RNF128: variants seen among roughly 807,000 people sequenced by gnomAD.
The protein encoded by RNF128 is E3 ubiquitin-protein ligase RNF128.
In RNF128, 13 loss-of-function variants were observed where a neutral mutation model predicts 26.2. The observed-to-expected ratio is 0.50, with a 90% CI of 0.32 to 0.79. The LOEUF is 0.79. Ranked by LOEUF, RNF128 falls within the 30% of genes least tolerant of loss-of-function variation. The probability of loss-of-function intolerance (pLI) is 0.03; values close to 1 mark genes in which losing one functional copy is unlikely to be tolerated. For synonymous variants in RNF128, 149 were observed against 142.5 expected (o/e 1.05, Z -0.32); for missense variants, 315 against 349.7 (o/e 0.90, Z 0.79).
chrX:106,748,062 A>G (rs1317020350), intron 1 of RNF128, among the ~76,000 whole-genome samples: 2 of 112,156 alleles, frequency 1.8e-5, no homozygotes, highest in Non-Finnish European at 3.8e-5. Context: ...ATGGAACCAT[A>G]GCTTTGATCT....
intron 1 of RNF128, among the ~76,000 whole-genome samples, chrX:106,755,027 A>G (rs1158643729): frequency 8.9e-6 from 1 of 112,035 alleles, no homozygotes; most frequent in African/African-American, 3.2e-5. Context: ...ACCTTTAGCC[A>G]GAATAAAGAA....
At chrX:106,758,810 A>C (rs1930070016) in intron 1 of RNF128, among the ~76,000 whole-genome samples, 1 of 111,599 alleles carries the variant, frequency 9.0e-6, no homozygotes, top group Non-Finnish European at 1.9e-5. Flanking sequence ...TAAATCTAAG[A>C]CCTCAAAATA....
chrX:106,695,256 A>G (rs2147655024), intron 1 of RNF128, among the ~76,000 whole-genome samples: 1 of 111,397 alleles, frequency 9.0e-6, no homozygotes, highest in East Asian at 2.8e-4. Flanking sequence ...AATTTCAATC[A>G]AGGCAAGCGC....
chrX:106,703,745 T>C (rs776515358), intron 1 of RNF128, among the ~76,000 whole-genome samples: 6 of 110,768 alleles, frequency 5.4e-5, no homozygotes, highest in African/African-American at 2.0e-4. Context: ...GTCATCAACA[T>C]AGAAGGTGAT....
At position 106,795,582 on chromosome X, in the gene RNF128, G is replaced by A. The variant is rs143952035; in HGVS notation, c.1156G>A (p.Glu386Lys). 8.5e-7 allele frequency: 1 copy of A among 1,182,740 alleles called. No individual in the cohort carries two copies. Among genetic ancestry groups the A allele is most frequent in the African/African-American group, 1.8e-5 (1 of 55,969 alleles). ...PLEEHVQSTN[E>K]SLQLVNHEAN... ...AAAATTGCTATTTCTTTTTAAAGAT[G>A]AAAGTCTACAGCTGGTAAACCATGA... Residue 386 changes from glutamate to lysine, a missense_variant and splice_region_variant, in exon 7 of 7, where the codon GAA becomes AAA. Physicochemically the swap from Glu to Lys is moderately conservative, Grantham distance 56. Coordinates refer to ENST00000255499, the MANE Select transcript of RNF128 (RefSeq NM_194463.2).
intron 2 of RNF128, among the ~76,000 whole-genome samples, chrX:106,778,988 A>C (rs182519297): frequency 1.2e-4 from 13 of 111,793 alleles, no homozygotes; most frequent in African/African-American, 4.2e-4. Flanking sequence ...GTTCACATGT[A>C]TGTATCTATT....
intron 1 of RNF128, among the ~76,000 whole-genome samples, chrX:106,764,792 G>A (rs1343134901): frequency 8.9e-6 from 1 of 112,286 alleles, no homozygotes; most frequent in African/African-American, 3.2e-5. Context: ...TGCTTTCAAA[G>A]ATTATACAGT....
At chrX:106,710,299 A>G (rs1929103544) in intron 1 of RNF128, among the ~76,000 whole-genome samples, 1 of 112,249 alleles carries the variant, frequency 8.9e-6, no homozygotes, top group African/African-American at 3.2e-5. Flanking sequence ...TCCTCCAAGC[A>G]CTACTTTTGC....
chrX:106,739,327 T>A (rs773779237), intron 1 of RNF128, among the ~76,000 whole-genome samples: 4 of 110,622 alleles, frequency 3.6e-5, no homozygotes, highest in Admixed American at 9.7e-5. Flanking sequence ...GTCCAGCTAA[T>A]TTTTGGATTT....
At chrX:106,784,571 T>C in intron 2 of RNF128, among the ~76,000 whole-genome samples, 1 of 111,784 alleles carries the variant, frequency 8.9e-6, no homozygotes, top group South Asian at 3.7e-4. Context: ...ATTTTATAGA[T>C]AAGTAAACAA....
chrX:106,714,177 CAAAAA>C (rs59889624), intron 1 of RNF128, among the ~76,000 whole-genome samples: 1 of 51,610 alleles, frequency 1.9e-5, no homozygotes, highest in Admixed American at 2.7e-4. Flanking sequence ...GACTCCGTCT[CAAAAA>C]AAAAAAAAAA....
chrX:106,737,275 G>A (rs971013845), intron 1 of RNF128, among the ~76,000 whole-genome samples: 1 of 109,923 alleles, frequency 9.1e-6, no homozygotes, highest in Admixed American at 9.8e-5. Flanking sequence ...TGCACAATAT[G>A]CAGGTTAGTT....
In RNF128 at chrX:106,773,116, T is replaced by C; in HGVS notation, c.688T>C (p.Ser230Pro). 1 of 1,211,089 alleles carries C rather than the reference T, an allele frequency of 8.3e-7. No homozygotes were observed. Among genetic ancestry groups the C allele is most frequent in the Non-Finnish European group, 1.1e-6 (1 of 895,199 alleles). ...AATVGYFIFY[S>P]ARRLRNARAQ... is the part of the protein sequence containing the mutation. Reference sequence around the variant, plus strand: ...AACTGTGGGCTATTTTATCTTTTATTCTGCTCGAAGGCTACGGAATGCAAG... The same window carrying C: ...AACTGTGGGCTATTTTATCTTTTATCCTGCTCGAAGGCTACGGAATGCAAG... Residue 230 changes from serine to proline, a missense_variant, in exon 2 of 7, where the codon TCT becomes CCT. Coordinates refer to ENST00000255499, the MANE Select transcript of RNF128 (RefSeq NM_194463.2).
upstream of RNF128, among the ~76,000 whole-genome samples, chrX:106,723,713 T>C (rs746920244): frequency 2.7e-5 from 3 of 111,351 alleles, no homozygotes; most frequent in Non-Finnish European, 3.8e-5. Flanking sequence ...GCTAGTTCCC[T>C]GAATGTTCTT....
At chrX:106,699,617 C>A (rs1418867315) in intron 1 of RNF128, among the ~76,000 whole-genome samples, 1 of 112,132 alleles carries the variant, frequency 8.9e-6, no homozygotes, top group Non-Finnish European at 1.9e-5. Context: ...TCGATCACAT[C>A]ACTCCTCTTC....
At chrX:106,793,481 T>C (rs186955578) in intron 6 of RNF128, among the ~76,000 whole-genome samples, 219 of 111,656 alleles carry the variant, frequency 2.0e-3, no homozygotes, top group Non-Finnish European at 3.5e-3. Context: ...TATAACCATA[T>C]ACAATTATCA....
chrX:106,707,873 C>A (rs1340066816), intron 1 of RNF128, among the ~76,000 whole-genome samples: 3 of 111,195 alleles, frequency 2.7e-5, no homozygotes, highest in Non-Finnish European at 5.7e-5. Flanking sequence ...TGATGGCAAC[C>A]TGAGTGTAAA....
intron 1 of RNF128, among the ~76,000 whole-genome samples, chrX:106,772,226 CT>C (rs1361217790): frequency 1.8e-5 from 2 of 111,417 alleles, no homozygotes; most frequent in African/African-American, 6.5e-5. Context: ...TAAGATTAGT[CT>C]TAGTTTAGGC....
chrX:106,764,781 A>G (rs1381312186), intron 1 of RNF128, among the ~76,000 whole-genome samples: 2 of 112,615 alleles, frequency 1.8e-5, no homozygotes, highest in Non-Finnish European at 3.7e-5. Context: ...AGAATTCTCT[A>G]TGCTTTCAAA....
Sources: allele counts gnomAD v4.1 joint callset (sites outside exome capture counted in the v4.1 genomes callset), GRCh38; gene constraint gnomAD v4.1.1; transcripts MANE v1.5; gene names NCBI Gene and HGNC (gene_info 2026-07-23, HGNC 2026-07-21).